The following BCKDHB variants were observed in gnomAD, a reference collection of about 807,000 sequenced individuals.
BCKDHB encodes the protein branched chain keto acid dehydrogenase E1 subunit beta.
In BCKDHB, 41 loss-of-function variants were observed where a neutral mutation model predicts 48.5. The observed-to-expected ratio is 0.85, with a 90% confidence interval of 0.66 to 1.10. The LOEUF is 1.10. BCKDHB is among the 50% of genes least tolerant of loss of function. The probability of loss-of-function intolerance (pLI) is 0.00; values close to 1 mark genes in which losing one functional copy is unlikely to be tolerated. For missense variants in BCKDHB, 496 were observed against 494.2 expected (o/e 1.00, Z -0.03); for synonymous variants, 201 against 174.8 (o/e 1.15, Z -1.18).
At chr6:80,436,152 T>C in the BCKDHB span, among the ~76,000 whole-genome samples, 8 of 98,530 alleles carry the variant, frequency 8.1e-5, no homozygotes, top group South Asian at 3.3e-4. Context: ...CTTTTCTTTT[T>C]TTTTTTTTTT....
chr6:80,119,824 A>C (rs1297186455), intron 1 of BCKDHB, among the ~76,000 whole-genome samples: 1 of 152,056 alleles, frequency 6.6e-6, no homozygotes, highest in African/African-American at 2.4e-5. Context: ...CACAGAATTG[A>C]TGTATTAGCA....
chr6:80,458,636 GGTTAGA>G, the BCKDHB span, among the ~76,000 whole-genome samples: 1 of 152,138 alleles, frequency 6.6e-6, no homozygotes, highest in Non-Finnish European at 1.5e-5. Context: ...ATGGAGTTGT[GGTTAGA>G]GTTAAATGAG....
chr6:80,153,217 T>G (rs182305504), intron 3 of BCKDHB, among the ~76,000 whole-genome samples: 75 of 152,254 alleles, frequency 4.9e-4, no homozygotes, highest in African/African-American at 1.8e-3. Flanking sequence ...TCAGGATTTT[T>G]GGATGAAGAT....
intron 6 of BCKDHB, among the ~76,000 whole-genome samples, chr6:80,196,573 G>T (rs981673223): frequency 9.2e-5 from 14 of 152,072 alleles, no homozygotes; most frequent in African/African-American, 3.4e-4. Context: ...CCAGCATCTT[G>T]CATGATGCCT....
the BCKDHB span, among the ~76,000 whole-genome samples, chr6:80,462,582 A>G: frequency 6.6e-6 from 1 of 152,200 alleles, no homozygotes; most frequent in Non-Finnish European, 1.5e-5. Context: ...CTGAAAGCAC[A>G]TAGCCAGTGT....
intron 6 of BCKDHB, among the ~76,000 whole-genome samples, chr6:80,183,340 G>A (rs1773500458): frequency 6.6e-6 from 1 of 152,070 alleles, no homozygotes; most frequent in Admixed American, 6.6e-5. Context: ...AATGAAAACA[G>A]GAAATATTTG....
intron 9 of BCKDHB, among the ~76,000 whole-genome samples, chr6:80,332,678 ACT>A (rs1769370843): frequency 6.8e-6 from 1 of 147,746 alleles, no homozygotes; most frequent in Non-Finnish European, 1.5e-5. Context: ...TTGATGAAGC[ACT>A]CTGATGATTT....
At chr6:80,281,628 G>A (rs1265082916) in intron 9 of BCKDHB, among the ~76,000 whole-genome samples, 2 of 152,210 alleles carry the variant, frequency 1.3e-5, no homozygotes. Context: ...GAGGAATGAA[G>A]TAGTTAGAGC....
the BCKDHB span, among the ~76,000 whole-genome samples, chr6:80,408,701 T>G: frequency 4.2e-4 from 64 of 152,220 alleles, no homozygotes; most frequent in East Asian, 1.2e-3. Context: ...TTGGTGGTGA[T>G]ATTCCTCTTA....
At chr6:80,180,067 C>A (rs1054318330) in intron 6 of BCKDHB, among the ~76,000 whole-genome samples, 1 of 152,166 alleles carries the variant, frequency 6.6e-6, no homozygotes, top group Non-Finnish European at 1.5e-5. Context: ...TGTGGTGACT[C>A]TCCCACATGT....
At chr6:80,111,198 T>TTTTC (rs1470505084) in intron 1 of BCKDHB, among the ~76,000 whole-genome samples, 1 of 152,172 alleles carries the variant, frequency 6.6e-6, no homozygotes, top group Non-Finnish European at 1.5e-5. Flanking sequence ...CCTACATAAG[T>TTTTC]AGTAAGGAAA....
rs548750011 is a variant in BCKDHB at position 80,140,364 on chromosome 6, A to G, written c.343+11135A>G. 9.6e-4 allele frequency among the ~76,000 whole-genome samples: 146 copies of G among 152,252 alleles called. 2 individuals carry two copies. Among genetic ancestry groups the G allele is most frequent in the South Asian group, 8.7e-3 (42 of 4,826 alleles). ...TGTTGAACAGGAGTGGTGAGAGAGGACATCCCTGTCTTGTGCCAGTTTTCA... is the reference window on the plus strand; with the variant it reads ...TGTTGAACAGGAGTGGTGAGAGAGGGCATCCCTGTCTTGTGCCAGTTTTCA... On this transcript the variant is annotated intron_variant, in intron 3 of 9. Transcript: ENST00000320393.
intron 8 of BCKDHB, among the ~76,000 whole-genome samples, chr6:80,218,862 T>C (rs1395455719): frequency 3.3e-5 from 5 of 152,318 alleles, no homozygotes; most frequent in South Asian, 2.1e-4. Flanking sequence ...ATTTTAAAAG[T>C]TGAAAAGCAG....
At chr6:80,466,255 A>G in the BCKDHB span, among the ~76,000 whole-genome samples, 1 of 152,162 alleles carries the variant, frequency 6.6e-6, no homozygotes, top group Non-Finnish European at 1.5e-5. Flanking sequence ...TTATACTTAC[A>G]CATATATTTA....
At chr6:80,209,374 C>CTT (rs1272194860) in intron 8 of BCKDHB, among the ~76,000 whole-genome samples, 28 of 151,808 alleles carry the variant, frequency 1.8e-4, no homozygotes, top group African/African-American at 6.0e-4. Flanking sequence ...GATTGTAAGG[C>CTT]CAAGAAGAGC....
At chr6:80,207,131 T>C (rs1335172166) in intron 8 of BCKDHB, among the ~76,000 whole-genome samples, 1 of 151,766 alleles carries the variant, frequency 6.6e-6, no homozygotes, top group Non-Finnish European at 1.5e-5. Context: ...TAAAAGAAAA[T>C]ATGGAGGAGA....
chr6:80,194,850 T>A (rs1245134157), intron 6 of BCKDHB, among the ~76,000 whole-genome samples: 1 of 152,246 alleles, frequency 6.6e-6, no homozygotes. Flanking sequence ...TTGCTGCACT[T>A]CATTTGATCT....
chr6:80,273,891 A>G (rs1777858647), intron 9 of BCKDHB, among the ~76,000 whole-genome samples: 1 of 152,000 alleles, frequency 6.6e-6, no homozygotes, highest in Non-Finnish European at 1.5e-5. Flanking sequence ...TATATAAGAT[A>G]ATTTAAGGTA....
intron 8 of BCKDHB, among the ~76,000 whole-genome samples, chr6:80,231,922 G>A (rs372331803): frequency 6.0e-4 from 92 of 152,310 alleles, no homozygotes; most frequent in Non-Finnish European, 9.1e-4. Context: ...CCGAGATTGC[G>A]CCACTGCACT....
Sources: gnomAD v4.1 joint callset for allele counts (sites outside exome capture counted in the v4.1 genomes callset) on GRCh38, gnomAD v4.1.1 for gene constraint, MANE v1.5 for transcripts, NCBI Gene and HGNC (gene_info 2026-07-23, HGNC 2026-07-21) for gene names.